Variants in APOO observed in about 807,000 individuals in gnomAD.
APOO encodes the protein apolipoprotein O, also known as MICOS complex subunit MIC26.
In APOO, 11 loss-of-function variants were observed where a neutral mutation model predicts 23.1. The ratio of observed to expected loss-of-function variants is 0.48; its 90% CI spans 0.30 to 0.79. The LOEUF (loss-of-function observed/expected upper bound fraction) is 0.79, where lower values mean the gene tolerates loss of function less well. Ranked by LOEUF, APOO falls within the 30% of genes least tolerant of loss-of-function variation. The probability of loss-of-function intolerance (pLI) is 0.07; values close to 1 mark genes in which losing one functional copy is unlikely to be tolerated. For missense variants in APOO, 160 were observed against 142.7 expected (o/e 1.12, Z -0.62); for synonymous variants, 59 against 54.8 (o/e 1.08, Z -0.34).
At chrX:23,863,169 AC>A (rs1421317450) in intron 5 of APOO, among the ~76,000 whole-genome samples, 1 of 110,969 alleles carries the variant, frequency 9.0e-6, no homozygotes, top group East Asian at 2.9e-4. Context: ...CCCCATCTCT[AC>A]TAAAACCACA....
chrX:23,874,420 A>C lies in APOO; in HGVS notation c.275T>G (p.Leu92Trp). ...YSQTKPKMQS[L>W]VQWGLDSYDY... ...CAACTTACCTAACCCCCATTGAACCAAACTTTGCATCTTGGGCTTAGTTTG... is the reference window on the plus strand; with the variant it reads ...CAACTTACCTAACCCCCATTGAACCCAACTTTGCATCTTGGGCTTAGTTTG... Residue 92 changes from leucine (L) to tryptophan (W), a missense_variant, in exon 4 of 9, where the codon TTG becomes TGG. Transcript: ENST00000379226. The C allele has an allele frequency of 1.7e-6, 2 of 1,211,369 alleles. No individual in the cohort carries two copies. The highest frequency in any genetic ancestry group is 2.2e-6 in the Non-Finnish European group (2 of 894,978).
intron 1 of APOO, among the ~76,000 whole-genome samples, chrX:23,899,516 A>G (rs773477012): frequency 1.1e-4 from 12 of 112,546 alleles, no homozygotes; most frequent in Non-Finnish European, 2.1e-4. Flanking sequence ...ATTCTAAAAT[A>G]TAACTTTAGA....
intron 7 of APOO, among the ~76,000 whole-genome samples, chrX:23,848,724 C>T (rs1924374900): frequency 9.6e-6 from 1 of 104,037 alleles, no homozygotes; most frequent in South Asian, 4.3e-4. Flanking sequence ...CTTGTTCTGT[C>T]AACCAGGCTG....
chrX:23,838,805 T>A (rs1487495547), intron 8 of APOO, among the ~76,000 whole-genome samples: 3 of 111,617 alleles, frequency 2.7e-5, no homozygotes, highest in Non-Finnish European at 5.6e-5. Context: ...CCTCCTCCAA[T>A]AAAGATCTAA....
intron 1 of APOO, among the ~76,000 whole-genome samples, chrX:23,904,504 G>GTT (rs143167112): frequency 2.8e-4 from 15 of 53,200 alleles, no homozygotes; most frequent in Admixed American, 4.9e-4. Context: ...GATGACACTG[G>GTT]TTTTTTTTTT....
chrX:23,871,041 A>C (rs5925949), intron 4 of APOO, among the ~76,000 whole-genome samples: 29,077 of 107,092 alleles, frequency 0.27, 3,955 homozygotes, highest in African/African-American at 0.51. Context: ...GTGAGCCGAG[A>C]TCACACCATT....
intron 1 of APOO, among the ~76,000 whole-genome samples, chrX:23,900,049 CA>C (rs1375326130): frequency 8.9e-6 from 1 of 112,156 alleles, no homozygotes; most frequent in African/African-American, 3.2e-5. Context: ...GTGTTAGTTA[CA>C]ACTGTGAGGC....
chrX:23,889,731 T>G (rs773525335), intron 1 of APOO, among the ~76,000 whole-genome samples: 38 of 102,625 alleles, frequency 3.7e-4, no homozygotes, highest in Non-Finnish European at 1.6e-4. Context: ...GGTGCGATCT[T>G]GGCTCACTGC....
chrX:23,894,745 G>A (rs1194892997), intron 1 of APOO, among the ~76,000 whole-genome samples: 4 of 108,772 alleles, frequency 3.7e-5, no homozygotes, highest in South Asian at 8.1e-4. Flanking sequence ...GCAGTGAGCC[G>A]AGATCATGCC....
At chrX:23,855,649 G>A (rs1175951558) in intron 7 of APOO, among the ~76,000 whole-genome samples, 1 of 111,618 alleles carries the variant, frequency 9.0e-6, no homozygotes, top group African/African-American at 3.3e-5. Context: ...TTCCTTATCA[G>A]TGGGAGGAAG....
At chrX:23,878,832 T>C in intron 3 of APOO, 83 bp downstream of exon 3, 1 of 1,111,153 alleles carries the variant, frequency 9.0e-7, no homozygotes, top group Non-Finnish European at 1.2e-6. Flanking sequence ...CATGCCTTTT[T>C]CCAAAAACAT....
chrX:23,845,456 A>C (rs1699811209), intron 7 of APOO, among the ~76,000 whole-genome samples: 1 of 111,944 alleles, frequency 8.9e-6, no homozygotes, highest in Admixed American at 9.6e-5. Context: ...GGTCTGTAGA[A>C]CTTATTCTCT....
intron 1 of APOO, among the ~76,000 whole-genome samples, chrX:23,885,114 T>A (rs896457142): frequency 8.2e-5 from 9 of 110,160 alleles, no homozygotes; most frequent in African/African-American, 2.6e-4. Context: ...TAAAGCACAG[T>A]AAGGCCGGGT....
intron 5 of APOO, among the ~76,000 whole-genome samples, chrX:23,864,587 C>A (rs1382322923): frequency 8.9e-6 from 1 of 111,929 alleles, no homozygotes; most frequent in African/African-American, 3.3e-5. Flanking sequence ...CAGGTGTGAG[C>A]CACTGTACCC....
intron 7 of APOO, among the ~76,000 whole-genome samples, chrX:23,847,130 T>C (rs1447335994): frequency 9.0e-6 from 1 of 111,186 alleles, no homozygotes; most frequent in Non-Finnish European, 1.9e-5. Context: ...TGGGAAATTC[T>C]GGGAACATCT....
At chrX:23,880,977 C>G (rs1351139767) in intron 1 of APOO, 25 bp from the exon 2 acceptor site, 1 of 1,075,764 alleles carries the variant, frequency 9.3e-7, no homozygotes, top group South Asian at 2.4e-5. Context: ...CAATCTTAAA[C>G]CTCTCTATGT....
chrX:23,900,913 A>G (rs1927107649), intron 1 of APOO, among the ~76,000 whole-genome samples: 1 of 111,906 alleles, frequency 8.9e-6, no homozygotes, highest in African/African-American at 3.2e-5. Context: ...CTCAAGAAGA[A>G]TTCCCTTGAA....
rs537889315 is a variant in APOO, at chrX:23,841,638, T to C, written c.562-1261A>G. 1.0e-4 allele frequency among the ~76,000 whole-genome samples: 11 copies of C among 110,068 alleles called. No individual in the cohort carries two copies. In the South Asian group the frequency reaches 4.0e-3, roughly 40 times the overall value. ...ACATACAATTCTCAGGTCTACTTGA[T>C]GCTCTGAACAAGAGTGCTACAGGAC... is the stretch of plus-strand genomic sequence containing the variant. On this transcript the variant is annotated intron_variant, in intron 7 of 8. Transcript: ENST00000379226.
intron 3 of APOO, among the ~76,000 whole-genome samples, chrX:23,876,121 G>A (rs1381756104): frequency 4.5e-5 from 5 of 110,287 alleles, no homozygotes; most frequent in South Asian, 7.6e-4. Flanking sequence ...AAAATTAGCC[G>A]GGCGTGGTGG....
Sources: gnomAD v4.1 joint callset for allele counts (sites outside exome capture counted in the v4.1 genomes callset) on GRCh38, gnomAD v4.1.1 for gene constraint, MANE v1.5 for transcripts, NCBI Gene and HGNC (gene_info 2026-07-23, HGNC 2026-07-21) for gene names.